The following ST3GAL4 variants were observed in gnomAD, a reference collection of about 807,000 sequenced individuals.
The protein encoded by ST3GAL4 is ST3 beta-galactoside alpha-2,3-sialyltransferase 4, also known as CMP-N-acetylneuraminate-beta-galactosamide-alpha-2,3-sialyltransferase 4.
A neutral mutation model predicts 42.6 loss-of-function variants in ST3GAL4; 24 were observed. The ratio of observed to expected loss-of-function variants is 0.56; its 90% confidence interval spans 0.41 to 0.79. ST3GAL4 has a LOEUF of 0.79. Among genes scored for constraint, ST3GAL4 ranks in the 30% least tolerant of loss-of-function variants. ST3GAL4 has a pLI of 0.00. For synonymous variants in ST3GAL4, 135 were observed against 163.2 expected (o/e 0.83, Z 1.32); for missense variants, 311 against 430.8 (o/e 0.72, Z 2.46).
At chr11:126,394,935 C>T (rs1231132579) in intron 1 of ST3GAL4, among the ~76,000 whole-genome samples, 1 of 152,104 alleles carries the variant, frequency 6.6e-6, no homozygotes, top group African/African-American at 2.4e-5. Context: ...TAAGGTCAGA[C>T]AGCTTGAGAG....
intron 9 of ST3GAL4, among the ~76,000 whole-genome samples, chr11:126,412,020 C>G (rs978792455): frequency 2.0e-5 from 3 of 152,096 alleles, no homozygotes; most frequent in African/African-American, 7.2e-5. Flanking sequence ...GGTTCTCTTA[C>G]GATTCTGCCT....
rs967357657 is a variant in ST3GAL4, at chr11:126,390,181, C to CA, written c.-60-15902dup. ...TGGGTGACAGAGCAAGACTCTGTCT[C>CA]AAAAAAAAAAAAAGTTAACATTATG... On this transcript the variant is annotated intron_variant, in intron 1 of 10. Transcript: ENST00000444328. Among the ~76,000 whole-genome samples the CA allele has an allele frequency of 5.7e-3, 765 of 133,326 alleles. 5 individuals carry two copies. Among genetic ancestry groups the CA allele is most frequent in the African/African-American group, 0.014 (522 of 36,174 alleles). The allele number at this position is 133,326 out of a possible 152,430, so 87.5% of individuals were successfully genotyped here. A position where few individuals can be genotyped will look rare whatever the true frequency, so the allele number is the denominator to read the frequency against.
Position 126,407,006 on chromosome 11 carries a change from C to T in ST3GAL4, c.165C>T (p.Ala55=), listed in dbSNP as rs772225352. ...PCLQGEAESK[A]SKLFGNYSRD... ...TCCAGGGTGAGGCAGAGAGCAAGGC[C>T]TCTAAGCTCTTTGGCAAGTAAGTAC... Residue 55 remains alanine, a synonymous_variant, in exon 4 of 11, where the codon GCC becomes GCT. Coordinates refer to ENST00000444328, the MANE Select transcript of ST3GAL4 (RefSeq NM_001254757.2). The T allele has an allele frequency of 6.2e-7, 1 of 1,613,974 alleles. No homozygotes were observed. The highest frequency in any genetic ancestry group is 8.5e-7 in the Non-Finnish European group (1 of 1,179,938).
chr11:126,387,633 C>G (rs1324133546), intron 1 of ST3GAL4, among the ~76,000 whole-genome samples: 1 of 150,050 alleles, frequency 6.7e-6, no homozygotes, highest in Non-Finnish European at 1.5e-5. Flanking sequence ...GAGATTGGGC[C>G]TTTGGTCTTC....
chr11:126,408,736 A>G lies in ST3GAL4; in HGVS notation c.627+240A>G, dbSNP rs1954385082. The G allele has an allele frequency of 7.0e-6, 4 of 571,214 alleles. No individual in the cohort carries two copies. The African/African-American group carries it at 7.5e-5, about 11-fold the overall frequency. The allele number at this position is 571,214 out of a possible 1,614,324, so 35.4% of individuals were successfully genotyped here. A position where few individuals can be genotyped will look rare whatever the true frequency, so the allele number is the denominator to read the frequency against. On this transcript the variant is annotated intron_variant, in intron 8 of 10. Coordinates refer to ENST00000444328, the MANE Select transcript of ST3GAL4 (RefSeq NM_001254757.2). ...CAGGTGGCAGCAGCCACAGGCACCC[A>G]TGCTCCAGGCGTGTCTGTGACAGGA...
At position 126,410,129 on chromosome 11, in the gene ST3GAL4, A is replaced by G. The variant is rs757733066; in HGVS notation, c.771+718A>G. Among the ~76,000 whole-genome samples the G allele has an allele frequency of 1.3e-5, 2 of 152,026 alleles. No homozygotes were observed. Among genetic ancestry groups the G allele is most frequent in the Non-Finnish European group, 2.9e-5 (2 of 68,008 alleles). On this transcript the variant is annotated intron_variant, in intron 9 of 10. Coordinates refer to ENST00000444328, the MANE Select transcript of ST3GAL4 (RefSeq NM_001254757.2). This position sits in a 1 kb window ranked among gnomAD's most constrained non-coding sequence, Gnocchi z 5.3. ...ACTGTGTTGCCCAGGCTGGTCCTGA[A>G]CTCCTGGCCTCAAGTGATCCTCGTG... is the stretch of plus-strand genomic sequence containing the variant.
At position 126,378,665 on chromosome 11, in the gene ST3GAL4, C is replaced by G. The variant is rs1031392651; in HGVS notation, c.-61+22823C>G. On this transcript the variant is annotated intron_variant, in intron 1 of 10. Coordinates refer to ENST00000444328, the MANE Select transcript of ST3GAL4 (RefSeq NM_001254757.2). The surrounding 1 kb of genome is among the most constrained non-coding windows in gnomAD (Gnocchi z 5.3). ...CTCGTGATCCACCCTCCTCGGCCCC[C>G]CAAAGGGATGACTGGTTTTCTTTCC... is the stretch of plus-strand genomic sequence containing the variant. Among the ~76,000 whole-genome samples, 3 of 152,210 alleles carry G rather than the reference C, an allele frequency of 2.0e-5. No homozygotes were observed. Among genetic ancestry groups the G allele is most frequent in the Non-Finnish European group, 4.4e-5 (3 of 68,030 alleles).
At chr11:126,412,466 G>A (rs192534863) in intron 9 of ST3GAL4, among the ~76,000 whole-genome samples, 7 of 152,348 alleles carry the variant, frequency 4.6e-5, no homozygotes, top group South Asian at 4.1e-4. Flanking sequence ...CAGGCTGCCC[G>A]TCACTGTGGA....
At chr11:126,368,095 C>T (rs1952502952) in intron 1 of ST3GAL4, among the ~76,000 whole-genome samples, 1 of 149,026 alleles carries the variant, frequency 6.7e-6, no homozygotes, top group Non-Finnish European at 1.5e-5. Context: ...TGCAGTGAGC[C>T]AAGATCACGC....
intron 1 of ST3GAL4, among the ~76,000 whole-genome samples, chr11:126,395,561 T>C (rs1953711404): frequency 6.6e-6 from 1 of 152,144 alleles, no homozygotes; most frequent in South Asian, 2.1e-4. Flanking sequence ...TATTGAATTG[T>C]AGCTCCCATA....
Position 126,410,437 on chromosome 11 carries a change from G to A in ST3GAL4, c.771+1026G>A, listed in dbSNP as rs914846130. On this transcript the variant is annotated intron_variant, in intron 9 of 10. Coordinates refer to ENST00000444328, the MANE Select transcript of ST3GAL4 (RefSeq NM_001254757.2). The surrounding 1 kb of genome is among the most constrained non-coding windows in gnomAD (Gnocchi z 5.3). Reference sequence around the variant, plus strand: ...ATGGCGCTTGGCTGTGCTGTGTACTGTGTGGGGCTTGGCAGGTCAACTGCT... The same window carrying A: ...ATGGCGCTTGGCTGTGCTGTGTACTATGTGGGGCTTGGCAGGTCAACTGCT... Among the ~76,000 whole-genome samples the A allele has an allele frequency of 5.9e-5, 9 of 152,312 alleles. No homozygotes were observed. In the East Asian group the frequency reaches 1.5e-3, roughly 26 times the overall value.
intron 1 of ST3GAL4, among the ~76,000 whole-genome samples, chr11:126,377,410 A>ATCC (rs1472855246): frequency 2.0e-5 from 3 of 150,682 alleles, no homozygotes; most frequent in African/African-American, 7.3e-5. Context: ...ACCTCAGGTG[A>ATCC]TCCACCTGCC....
chr11:126,381,115 G>A (rs530926851), intron 1 of ST3GAL4, among the ~76,000 whole-genome samples: 4 of 152,298 alleles, frequency 2.6e-5, no homozygotes, highest in South Asian at 2.1e-4. Context: ...CCCAGAGCTG[G>A]CCTCTGTTGG....
rs769008754 is a variant in ST3GAL4, at chr11:126,413,516, G to A, written c.783G>A (p.Thr261=). ...CCCCTGTTCCTCAGAAGCCCACCAC[G>A]GGCCTGTTGGCCATCACGCTGGCCC... ...QPRKIKQKPT[T]GLLAITLALH... The change falls in exon 10 of 11, where the codon ACG becomes ACA. Residue 261 remains threonine, a synonymous_variant. Transcript: ENST00000444328. The A allele has an allele frequency of 3.8e-5, 61 of 1,613,998 alleles. No individual in the cohort carries two copies. The highest frequency in any genetic ancestry group is 2.1e-4 in the African/African-American group (16 of 74,940).
intron 6 of ST3GAL4, among the ~76,000 whole-genome samples, chr11:126,407,854 C>A (rs117409684): frequency 1.9e-4 from 29 of 152,050 alleles, no homozygotes; most frequent in East Asian, 1.7e-3. Flanking sequence ...ATTGATACAC[C>A]CCCCCATGCC....
In ST3GAL4 at chr11:126,383,913, C is replaced by T. The variant is rs1252169789; in HGVS notation, c.-60-22183C>T. Reference sequence around the variant, plus strand: ...GCGGGGGACAAACTGGAGAGGGACTCTCTTGCCGCCTTCTCTGTTCCTGGG... The same window carrying T: ...GCGGGGGACAAACTGGAGAGGGACTTTCTTGCCGCCTTCTCTGTTCCTGGG... On this transcript the variant is annotated intron_variant, in intron 1 of 10. Coordinates refer to ENST00000444328, the MANE Select transcript of ST3GAL4 (RefSeq NM_001254757.2). The surrounding 1 kb of genome is among the most constrained non-coding windows in gnomAD (Gnocchi z 4.5). Among the ~76,000 whole-genome samples, 1 of 152,148 alleles carries T rather than the reference C, an allele frequency of 6.6e-6. No individual in the cohort carries two copies. The highest frequency in any genetic ancestry group is 1.9e-4 in the East Asian group (1 of 5,194).
chr11:126,385,106 A>G lies in ST3GAL4; in HGVS notation c.-60-20990A>G, dbSNP rs1953174144. ...TGTTATCCACATTTAAAAGACGAGG[A>G]CTCTGAGGCTCTGAGAGGTTAAGTA... On this transcript the variant is annotated intron_variant, in intron 1 of 10. Transcript: ENST00000444328. 2.0e-5 allele frequency among the ~76,000 whole-genome samples: 3 copies of G among 150,620 alleles called. No homozygotes were observed. In the South Asian group the frequency reaches 6.3e-4, roughly 32 times the overall value.
chr11:126,408,644 G>C (rs766667575), intron 8 of ST3GAL4, 148 bp downstream of exon 8: 12 of 936,172 alleles, frequency 1.3e-5, no homozygotes, highest in Admixed American at 2.6e-5. Flanking sequence ...CAGCGCCTTA[G>C]GCTGCCCTCC....
At chr11:126,403,971 C>G (rs533409883) in intron 1 of ST3GAL4, among the ~76,000 whole-genome samples, 1 of 152,302 alleles carries the variant, frequency 6.6e-6, no homozygotes, top group Non-Finnish European at 1.5e-5. Context: ...AATCACCCAG[C>G]GGGCTTCAGC....
Sources: allele counts gnomAD v4.1 joint callset (sites outside exome capture counted in the v4.1 genomes callset), GRCh38; gene constraint gnomAD v4.1.1; non-coding constraint Gnocchi (gnomAD v3.1); transcripts MANE v1.5; gene names NCBI Gene and HGNC (gene_info 2026-07-23, HGNC 2026-07-21).